The following PCTP variants were observed in gnomAD, a reference collection of about 807,000 sequenced individuals.
The protein encoded by PCTP is START domain-containing protein 2.
A neutral mutation model predicts 31.0 loss-of-function variants in PCTP; 27 were observed. That is an observed-to-expected ratio of 0.87 (90% CI 0.64 to 1.20). The LOEUF (loss-of-function observed/expected upper bound fraction) is 1.20, where lower values mean the gene tolerates loss of function less well. Ranked by LOEUF, PCTP falls within the 50% of genes most tolerant of loss-of-function variation. The pLI, the probability that PCTP is intolerant of heterozygous loss-of-function variation, is 0.00. For missense variants in PCTP, 287 were observed against 268.2 expected, an observed-to-expected ratio of 1.07 and a Z score of -0.49; for synonymous variants, 108 against 101.2, an observed-to-expected ratio of 1.07 and a Z score of -0.40.
At chr17:55,832,526 T>G (rs868082615) in intron 5 of PCTP, among the ~76,000 whole-genome samples, 52 of 152,222 alleles carry the variant, frequency 3.4e-4, no homozygotes, top group African/African-American at 1.2e-3. Flanking sequence ...GTTCTTTCTT[T>G]GCTTGCAGTT....
downstream of PCTP, among the ~76,000 whole-genome samples, chr17:55,825,193 C>G (rs1304478170): frequency 6.6e-6 from 1 of 152,116 alleles, no homozygotes; most frequent in African/African-American, 2.4e-5. Context: ...TGGCTGAAGT[C>G]TTTTAATCCG....
At chr17:55,805,617 CAT>C (rs975117275) in intron 3 of PCTP, among the ~76,000 whole-genome samples, 2 of 151,600 alleles carry the variant, frequency 1.3e-5, no homozygotes, top group Non-Finnish European at 2.9e-5. Flanking sequence ...TATACACACA[CAT>C]ATATATGATA....
intron 1 of PCTP, among the ~76,000 whole-genome samples, chr17:55,764,112 C>T (rs560587241): frequency 3.3e-5 from 5 of 152,196 alleles, no homozygotes; most frequent in Admixed American, 2.0e-4. Flanking sequence ...GGATGGAAGT[C>T]ACTATGGGTT....
the PCTP span, among the ~76,000 whole-genome samples, chr17:55,850,237 G>T: frequency 2.6e-5 from 4 of 152,208 alleles, no homozygotes; most frequent in Admixed American, 2.6e-4. Context: ...ATCTTAAGTT[G>T]TATCACTGTA....
At chr17:55,842,478 G>A (rs1906014632) in intron 5 of PCTP, among the ~76,000 whole-genome samples, 1 of 152,168 alleles carries the variant, frequency 6.6e-6, no homozygotes, top group East Asian at 1.9e-4. Context: ...CAGATCCTAA[G>A]TTAATCAGAA....
intron 3 of PCTP, among the ~76,000 whole-genome samples, chr17:55,796,714 A>G (rs946868216): frequency 6.6e-5 from 10 of 152,014 alleles, no homozygotes; most frequent in African/African-American, 2.4e-4. Flanking sequence ...AATTATGTGC[A>G]GTTTAAAATA....
downstream of PCTP, among the ~76,000 whole-genome samples, chr17:55,845,085 C>CAAAAAAAAAAAAAAAA (rs891404386): frequency 6.1e-4 from 20 of 32,522 alleles, 2 homozygotes; most frequent in East Asian, 1.5e-3. Context: ...AAAACTCCAT[C>CAAAAAAAAAAAAAAAA]AAAAAAAAAA....
At chr17:55,836,408 G>A (rs1480178780) in intron 5 of PCTP, among the ~76,000 whole-genome samples, 1 of 152,144 alleles carries the variant, frequency 6.6e-6, no homozygotes, top group African/African-American at 2.4e-5. Context: ...TATACCAAGT[G>A]CCCCAAAGAC....
intron 2 of PCTP, among the ~76,000 whole-genome samples, chr17:55,782,791 G>A (rs1242472630): frequency 1.2e-4 from 19 of 152,164 alleles, no homozygotes; most frequent in Admixed American, 1.0e-3. Context: ...TTGTTTAAAT[G>A]TCCCCTCCTC....
At chr17:55,845,085 CAAA>C (rs891404386), downstream of PCTP, among the ~76,000 whole-genome samples, 51 of 32,512 alleles carry the variant, frequency 1.6e-3, no homozygotes, top group African/African-American at 4.6e-3. Context: ...AAAACTCCAT[CAAA>C]AAAAAAAAAA....
At chr17:55,806,067 C>T (rs1432990141) in intron 3 of PCTP, among the ~76,000 whole-genome samples, 2 of 152,028 alleles carry the variant, frequency 1.3e-5, no homozygotes, top group African/African-American at 4.8e-5. Context: ...AATAACTTGC[C>T]AAGTGCTTAA....
intron 1 of PCTP, among the ~76,000 whole-genome samples, chr17:55,755,328 G>T (rs1909952218): frequency 6.6e-6 from 1 of 152,162 alleles, no homozygotes; most frequent in Non-Finnish European, 1.5e-5. Context: ...AAAGCTATGT[G>T]GCTTCTTGGG....
chr17:55,800,809 G>A (rs1431178170), intron 3 of PCTP, among the ~76,000 whole-genome samples: 2 of 152,018 alleles, frequency 1.3e-5, no homozygotes, highest in African/African-American at 4.8e-5. Flanking sequence ...TAGGATTTCT[G>A]TGTGGACATC....
At chr17:55,765,249 C>A (rs1372151956) in intron 1 of PCTP, among the ~76,000 whole-genome samples, 1 of 152,140 alleles carries the variant, frequency 6.6e-6, no homozygotes, top group Non-Finnish European at 1.5e-5. Flanking sequence ...TAAAATATAA[C>A]CTCTCTCGAG....
intron 3 of PCTP, among the ~76,000 whole-genome samples, chr17:55,794,312 T>C (rs1019919627): frequency 6.6e-6 from 1 of 152,034 alleles, no homozygotes; most frequent in African/African-American, 2.4e-5. Context: ...TTCTTCTTTT[T>C]TTTTAAGTCA....
intron 3 of PCTP, among the ~76,000 whole-genome samples, chr17:55,789,529 G>T (rs999499056): frequency 7.2e-5 from 11 of 152,148 alleles, no homozygotes; most frequent in African/African-American, 2.4e-4. Context: ...TGTCTGCAAT[G>T]TTATCTCCTT....
downstream of PCTP, among the ~76,000 whole-genome samples, chr17:55,845,436 A>G (rs1372904971): frequency 2.0e-5 from 3 of 152,094 alleles, no homozygotes; most frequent in Admixed American, 1.3e-4. Context: ...GGCTCCCAGG[A>G]CGGCGTCCGC....
chr17:55,751,581 C>A, intron 1 of PCTP: 1 of 1,193,808 alleles, frequency 8.4e-7, no homozygotes, highest in Non-Finnish European at 1.1e-6. Context: ...TTGATCCTCA[C>A]TCTCCAATGC....
chr17:55,774,845 A>G lies in PCTP; in HGVS notation c.565A>G (p.Asn189Asp), dbSNP rs185298037. Residue 189 changes from asparagine to aspartate, a missense_variant, in exon 5 of 6, where the codon AAC becomes GAC. Physicochemically the swap from Asn to Asp is conservative, Grantham distance 23. Coordinates refer to ENST00000268896, the MANE Select transcript of PCTP (RefSeq NM_021213.4). ...TGGCCAAATTCCGTCCTGGCTCATT[A>G]ACTGGGCCGCCAAGGTGAGATCCCA... ...PGGQIPSWLI[N>D]WAAKNGVPNF... 80 of 1,302,710 alleles carry G rather than the reference A, an allele frequency of 6.1e-5. No individual in the cohort carries two copies. The East Asian group carries it at 2.9e-3, about 46-fold the overall frequency. 80.7% of individuals were successfully genotyped at this position (1,302,710 alleles called of 1,614,324 possible).
Sources: gnomAD v4.1 joint callset for allele counts (sites outside exome capture counted in the v4.1 genomes callset) on GRCh38, gnomAD v4.1.1 for gene constraint, MANE v1.5 for transcripts, NCBI Gene and HGNC (gene_info 2026-07-23, HGNC 2026-07-21) for gene names.